The following EDAR variants were observed in gnomAD, a reference collection of about 807,000 sequenced individuals.
The protein encoded by EDAR is tumor necrosis factor receptor superfamily member EDAR.
EDAR carries 38 observed loss-of-function variants against 51.3 expected under a neutral mutation model. The ratio of observed to expected loss-of-function variants is 0.74; its 90% confidence interval spans 0.57 to 0.97. The LOEUF (loss-of-function observed/expected upper bound fraction) is 0.97, where lower values mean the gene tolerates loss of function less well. Ranked by LOEUF, EDAR falls within the 50% of genes least tolerant of loss-of-function variation. The pLI, the probability that EDAR is intolerant of heterozygous loss-of-function variation, is 0.00. For synonymous variants in EDAR, 227 were observed against 242.1 expected (o/e 0.94, Z 0.58); for missense variants, 528 against 595.0 (o/e 0.89, Z 1.17).
At chr2:108,925,964 C>G (rs1697245157) in intron 4 of EDAR, among the ~76,000 whole-genome samples, 1 of 152,192 alleles carries the variant, frequency 6.6e-6, no homozygotes. Flanking sequence ...TGTTATGAAA[C>G]TGTCCTTCCT....
At chr2:108,922,354 C>G (rs1386525417) in intron 5 of EDAR, among the ~76,000 whole-genome samples, 1 of 152,240 alleles carries the variant, frequency 6.6e-6, no homozygotes, top group East Asian at 1.9e-4. Flanking sequence ...GAGCTGCGGC[C>G]TCCTCTAATT....
chr2:108,984,480 T>C (rs1416006199), intron 1 of EDAR, among the ~76,000 whole-genome samples: 2 of 152,078 alleles, frequency 1.3e-5, no homozygotes, highest in African/African-American at 4.8e-5. Context: ...CTCCTTCTGT[T>C]CAACCCTCCT....
At chr2:108,944,812 G>T (rs897828472) in intron 1 of EDAR, among the ~76,000 whole-genome samples, 1 of 152,202 alleles carries the variant, frequency 6.6e-6, no homozygotes, top group African/African-American at 2.4e-5. Flanking sequence ...CTGAGCCAGA[G>T]AGCTGACCGC....
intron 1 of EDAR, among the ~76,000 whole-genome samples, chr2:108,984,352 G>A (rs79844428): frequency 0.054 from 8,198 of 152,246 alleles, 382 homozygotes; most frequent in African/African-American, 0.12. Flanking sequence ...AACACAGGGC[G>A]TGAGCCACCA....
intron 11 of EDAR, among the ~76,000 whole-genome samples, chr2:108,901,910 T>A (rs1286102939): frequency 6.6e-6 from 1 of 151,856 alleles, no homozygotes. Flanking sequence ...TCAAGACCAG[T>A]CTGGCCAAGA....
chr2:108,921,934 C>T (rs1009531928), intron 5 of EDAR, among the ~76,000 whole-genome samples: 9 of 152,210 alleles, frequency 5.9e-5, no homozygotes, highest in African/African-American at 1.9e-4. Context: ...AGGCTTTCCT[C>T]GGAGCCGGCT....
intron 1 of EDAR, among the ~76,000 whole-genome samples, chr2:108,988,092 T>A (rs1698526655): frequency 6.6e-6 from 1 of 152,196 alleles, no homozygotes; most frequent in African/African-American, 2.4e-5. Context: ...GTACGTCTCC[T>A]CACATGCGTG....
intron 1 of EDAR, among the ~76,000 whole-genome samples, chr2:108,936,246 G>C (rs927430093): frequency 6.6e-6 from 1 of 152,214 alleles, no homozygotes; most frequent in Non-Finnish European, 1.5e-5. Flanking sequence ...CTGATGGTTC[G>C]GAGTTACCTT....
At chr2:108,951,430 T>C (rs1697826155) in intron 1 of EDAR, among the ~76,000 whole-genome samples, 1 of 152,206 alleles carries the variant, frequency 6.6e-6, no homozygotes, top group Non-Finnish European at 1.5e-5. Context: ...GGATGTCTTA[T>C]GTGATTATTG....
chr2:108,942,554 C>T (rs1379983128), intron 1 of EDAR, among the ~76,000 whole-genome samples: 2 of 152,264 alleles, frequency 1.3e-5, no homozygotes, highest in African/African-American at 2.4e-5. Context: ...CCGTCTCCCT[C>T]CCGTTCTAGA....
At chr2:108,930,659 G>A (rs1259787045) in intron 2 of EDAR, among the ~76,000 whole-genome samples, 2 of 152,164 alleles carry the variant, frequency 1.3e-5, no homozygotes, top group Non-Finnish European at 2.9e-5. Context: ...TTTCTTAGCT[G>A]CGCGGCCCCC....
intron 1 of EDAR, among the ~76,000 whole-genome samples, chr2:108,963,044 G>T (rs982605319): frequency 1.3e-5 from 2 of 152,136 alleles, no homozygotes; most frequent in Non-Finnish European, 2.9e-5. Context: ...AAATCTGGTG[G>T]CTCTGCGTCA....
chr2:108,961,354 C>T (rs1380138367), intron 1 of EDAR, among the ~76,000 whole-genome samples: 1 of 152,154 alleles, frequency 6.6e-6, no homozygotes, highest in Non-Finnish European at 1.5e-5. Context: ...GGCTGACCTC[C>T]CCTCACTCAC....
Position 108,906,315 on chromosome 2 carries a change from G to A in EDAR, c.1017C>T (p.Val339=), listed in dbSNP as rs201434694. 239 of 1,614,036 alleles carry A rather than the reference G, an allele frequency of 1.5e-4. 1 individual carries two copies. In the East Asian group the frequency reaches 1.6e-3, roughly 11 times the overall value. The change falls in exon 11 of 12, where the codon GTC becomes GTT. Residue 339 remains valine, a synonymous_variant. Transcript: ENST00000258443. The part of the protein sequence containing the change: ...ILDVYANVCG[V]VEGLSPTELP... ...GCTTTTTTTTCAGCTTACCTTCCACGACTCCACACACGTTGGCATACACAT... is the reference window on the plus strand; with the variant it reads ...GCTTTTTTTTCAGCTTACCTTCCACAACTCCACACACGTTGGCATACACAT...
chr2:108,900,571 A>AAAAAAAAAAAAAAC (rs1558795844), intron 11 of EDAR, among the ~76,000 whole-genome samples: 3 of 147,480 alleles, frequency 2.0e-5, no homozygotes, highest in Admixed American at 6.7e-5. Context: ...AAAAAAAAAA[A>AAAAAAAAAAAAAAC]AACAAAAAAC....
intron 4 of EDAR, 105 bp downstream of exon 4, chr2:108,929,093 A>T: frequency 7.6e-7 from 1 of 1,322,206 alleles, no homozygotes. Context: ...GGCTGCACCG[A>T]GGCCTGCAGT....
chr2:108,942,526 C>A (rs1697623717), intron 1 of EDAR, among the ~76,000 whole-genome samples: 1 of 152,264 alleles, frequency 6.6e-6, no homozygotes, highest in Non-Finnish European at 1.5e-5. Flanking sequence ...ACCACGGCGA[C>A]GGCAGGGGCC....
chr2:108,899,988 AAAT>A (rs535092335), intron 11 of EDAR, among the ~76,000 whole-genome samples: 6 of 152,072 alleles, frequency 3.9e-5, no homozygotes, highest in Non-Finnish European at 7.4e-5. Context: ...TCCATGTCAA[AAAT>A]AATAATAATA....
intron 5 of EDAR, among the ~76,000 whole-genome samples, chr2:108,917,647 G>T (rs916349963): frequency 6.6e-6 from 1 of 152,260 alleles, no homozygotes; most frequent in African/African-American, 2.4e-5. Context: ...TAAGACTAGA[G>T]GGGGGTCAAA....
Sources: gnomAD v4.1 joint callset for allele counts (sites outside exome capture counted in the v4.1 genomes callset) on GRCh38, gnomAD v4.1.1 for gene constraint, MANE v1.5 for transcripts, NCBI Gene and HGNC (gene_info 2026-07-23, HGNC 2026-07-21) for gene names.